Variants in MCTP2 observed in about 807,000 individuals in gnomAD.
MCTP2 encodes multiple C2 and transmembrane domain-containing protein 2.
A neutral mutation model predicts 111.6 loss-of-function variants in MCTP2; 132 were observed. That is an observed-to-expected ratio of 1.18 (90% CI 1.03 to 1.37). MCTP2 has a LOEUF of 1.37. MCTP2 is among the 40% of genes most tolerant of loss of function. The pLI, the probability that MCTP2 is intolerant of heterozygous loss-of-function variation, is 0.00. For missense variants in MCTP2, 1,183 were observed against 1,067.9 expected, an observed-to-expected ratio of 1.11 and a Z score of -1.50; for synonymous variants, 395 against 387.7, an observed-to-expected ratio of 1.02 and a Z score of -0.22.
At chr15:94,384,270 A>G in intron 13 of MCTP2, 146 bp downstream of exon 13, 1 of 586,008 alleles carries the variant, frequency 1.7e-6, no homozygotes, top group Non-Finnish European at 3.0e-6. Context: ...TTTCATTTTT[A>G]TAGAGTGTGG....
At chr15:94,440,366 C>T (rs753748941) in intron 18 of MCTP2, 68 bp downstream of exon 18, 53 of 1,590,808 alleles carry the variant, frequency 3.3e-5, no homozygotes, top group Non-Finnish European at 4.5e-5. Context: ...CTACCACCAC[C>T]ACCAAATCAT....
At chr15:94,470,593 A>G (rs1261053048) in intron 21 of MCTP2, 151 bp downstream of exon 21, 1 of 655,128 alleles carries the variant, frequency 1.5e-6, no homozygotes, top group East Asian at 2.7e-5. Flanking sequence ...AACTTCCAGG[A>G]CCTCCCTGAA....
chr15:94,412,322 GTC>G (rs1294402998), intron 17 of MCTP2, among the ~76,000 whole-genome samples: 1 of 151,382 alleles, frequency 6.6e-6, no homozygotes, highest in African/African-American at 2.4e-5. Flanking sequence ...TTTCCCTCAG[GTC>G]TTACATTTGA....
At chr15:94,284,644 G>T (rs2074664812) in intron 1 of MCTP2, among the ~76,000 whole-genome samples, 1 of 152,202 alleles carries the variant, frequency 6.6e-6, no homozygotes, top group Non-Finnish European at 1.5e-5. Flanking sequence ...ATATGTGGAT[G>T]AAATAAATTC....
At chr15:94,423,004 T>TA (rs1196759284) in intron 17 of MCTP2, among the ~76,000 whole-genome samples, 2 of 152,168 alleles carry the variant, frequency 1.3e-5, no homozygotes, top group Non-Finnish European at 2.9e-5. Flanking sequence ...GCTAAGCTGT[T>TA]AGTCTTACCT....
intron 1 of MCTP2, among the ~76,000 whole-genome samples, chr15:94,275,718 C>T (rs2074153383): frequency 6.6e-6 from 1 of 151,912 alleles, no homozygotes. Flanking sequence ...CAACTTAAAT[C>T]AATTTAACCT....
Position 94,479,263 on chromosome 15 carries a change from C to A in MCTP2, c.*229C>A. 1.8e-6 allele frequency: 1 copy of A among 552,708 alleles called. No homozygotes were observed. Among genetic ancestry groups the A allele is most frequent in the South Asian group, 2.5e-5 (1 of 39,634 alleles). The allele number at this position is 552,708 out of a possible 1,614,324, so 34.2% of individuals were successfully genotyped here. On this transcript the variant is annotated 3_prime_UTR_variant, in exon 23 of 23. Transcript: ENST00000357742. ...GGTCAGCCCAGCGAAAAGCAACAAC[C>A]CCAAGACTGTGAAAGACTAACATCC...
At chr15:94,454,189 ATAAATT>A (rs1216429763) in intron 19 of MCTP2, among the ~76,000 whole-genome samples, 3 of 152,240 alleles carry the variant, frequency 2.0e-5, no homozygotes, top group Non-Finnish European at 2.9e-5. Context: ...CAATGCCACT[ATAAATT>A]TAAACATTTA....
intron 17 of MCTP2, among the ~76,000 whole-genome samples, chr15:94,422,226 G>A (rs1360562988): frequency 1.3e-5 from 2 of 152,116 alleles, no homozygotes; most frequent in South Asian, 2.1e-4. Flanking sequence ...TCTTGGGCAC[G>A]TGAGCTTTCA....
At chr15:94,293,438 G>C (rs2075118423) in intron 1 of MCTP2, among the ~76,000 whole-genome samples, 2 of 152,282 alleles carry the variant, frequency 1.3e-5, no homozygotes, top group African/African-American at 4.8e-5. Flanking sequence ...GACAGGAAAT[G>C]CATAGAAAGG....
chr15:94,298,465 C>G lies in MCTP2; in HGVS notation c.200C>G (p.Pro67Arg). ...GAGGCCTTGGCCCCAGAGGGCCGGC[C>G]TTACTCCGGGCCACAGTCTTCCTAC... Reference protein sequence around the residue: ...EAEALAPEGRPYSGPQSSYTS... With the variant: ...EAEALAPEGRRYSGPQSSYTS... Residue 67 changes from proline (P) to arginine (R), a missense_variant, in exon 2 of 23, where the codon CCT becomes CGT. Physicochemically the swap from Pro to Arg is moderately radical, Grantham distance 103. Transcript: ENST00000357742. 6.2e-7 allele frequency: 1 copy of G among 1,614,102 alleles called. No homozygotes were observed. The highest frequency in any genetic ancestry group is 8.5e-7 in the Non-Finnish European group (1 of 1,180,012).
intron 1 of MCTP2, among the ~76,000 whole-genome samples, chr15:94,253,731 C>T (rs1264948574): frequency 1.4e-5 from 2 of 145,964 alleles, no homozygotes; most frequent in Non-Finnish European, 3.0e-5. Context: ...CTTAAAGTCT[C>T]TCTTTTTTTT....
chr15:94,398,875 A>G, intron 14 of MCTP2, 86 bp from the exon 15 acceptor site: 2 of 725,126 alleles, frequency 2.8e-6, no homozygotes, highest in Non-Finnish European at 4.8e-6. Flanking sequence ...TGCATCCCCA[A>G]TTTTGCCAAA....
chr15:94,238,851 C>T (rs556091621), intron 1 of MCTP2, among the ~76,000 whole-genome samples: 6 of 152,062 alleles, frequency 3.9e-5, no homozygotes, highest in Middle Eastern at 3.4e-3. Flanking sequence ...TCTGTTTAAG[C>T]TTTGTTAATG....
chr15:94,347,946 T>A (rs982864420), intron 8 of MCTP2, among the ~76,000 whole-genome samples: 9 of 151,900 alleles, frequency 5.9e-5, no homozygotes, highest in African/African-American at 2.2e-4. Flanking sequence ...CTGCTATTAT[T>A]TGGGTGTGTA....
intron 12 of MCTP2, among the ~76,000 whole-genome samples, chr15:94,375,872 C>T (rs1351166101): frequency 6.6e-6 from 1 of 152,108 alleles, no homozygotes; most frequent in Admixed American, 6.6e-5. Flanking sequence ...ATTACAGAAC[C>T]ACTGTTTCTT....
chr15:94,390,078 A>ATATATATG (rs2080819739), intron 14 of MCTP2, among the ~76,000 whole-genome samples: 6 of 47,280 alleles, frequency 1.3e-4, no homozygotes, highest in African/African-American at 1.7e-4. Context: ...ATATATATAT[A>ATATATATG]TATATATATA....
In MCTP2 at chr15:94,368,478, G is replaced by A. The variant is rs922996802; in HGVS notation, c.1488+687G>A. ...TTTTAGTGCCACACAGGGAAAGCAC[G>A]TTTTAGGGAAGTGGCATGAAAATGA... On this transcript the variant is annotated intron_variant, in intron 11 of 22. Coordinates refer to ENST00000357742, the MANE Select transcript of MCTP2 (RefSeq NM_001385001.1). 3.3e-5 allele frequency among the ~76,000 whole-genome samples: 5 copies of A among 152,128 alleles called. 1 individual carries two copies. The highest frequency in any genetic ancestry group is 4.2e-4 in the South Asian group (2 of 4,814).
At chr15:94,379,752 A>T (rs1429862400) in intron 12 of MCTP2, among the ~76,000 whole-genome samples, 2 of 147,078 alleles carry the variant, frequency 1.4e-5, no homozygotes, top group East Asian at 1.9e-4. Flanking sequence ...TATGATATAT[A>T]ATATATATAA....
Sources: allele counts gnomAD v4.1 joint callset (sites outside exome capture counted in the v4.1 genomes callset), GRCh38; gene constraint gnomAD v4.1.1; transcripts MANE v1.5; gene names NCBI Gene and HGNC (gene_info 2026-07-23, HGNC 2026-07-21).